Variants in MCF2 observed in about 807,000 individuals in gnomAD.
The protein encoded by MCF2 is MCF.2 cell line derived transforming sequence, also known as proto-oncogene DBL.
In MCF2, 44 loss-of-function variants were observed where a neutral mutation model predicts 82.5. The observed-to-expected ratio is 0.53, with a 90% confidence interval of 0.42 to 0.69. The LOEUF is 0.69. Ranked by LOEUF, MCF2 falls within the 30% of genes least tolerant of loss-of-function variation. The probability of loss-of-function intolerance (pLI) is 0.00; values close to 1 mark genes in which losing one functional copy is unlikely to be tolerated. For synonymous variants in MCF2, 217 were observed against 224.9 expected (o/e 0.96, Z 0.32); for missense variants, 623 against 663.1 (o/e 0.94, Z 0.66).
intron 1 of MCF2, among the ~76,000 whole-genome samples, chrX:139,704,459 T>C (rs1280532906): frequency 8.9e-6 from 1 of 111,807 alleles, no homozygotes; most frequent in Non-Finnish European, 1.9e-5. Flanking sequence ...TGTACAAAAA[T>C]CAGTACCATT....
At chrX:139,617,752 T>C (rs769232074) in intron 7 of MCF2, 48 bp from the exon 11 acceptor site, 10 of 784,186 alleles carry the variant, frequency 1.3e-5, no homozygotes, top group Non-Finnish European at 1.7e-5. Flanking sequence ...TCTCTGTTCC[T>C]ATAGAGAAAA....
chrX:139,691,824 G>T (rs1362263711), intron 1 of MCF2: 2 of 773,563 alleles, frequency 2.6e-6, no homozygotes, highest in African/African-American at 4.2e-5. Context: ...GGAAAATAAA[G>T]AAAAGCCGGC....
At chrX:139,619,008 T>G (rs1319770899) in intron 7 of MCF2, among the ~76,000 whole-genome samples, 2 of 111,540 alleles carry the variant, frequency 1.8e-5, no homozygotes, top group Non-Finnish European at 3.8e-5. Flanking sequence ...AGGTCACAGA[T>G]AGTAAGAATA....
intron 10 of MCF2, among the ~76,000 whole-genome samples, chrX:139,613,514 G>T (rs765183600): frequency 1.5e-4 from 17 of 111,279 alleles, no homozygotes; most frequent in Non-Finnish European, 3.0e-4. Context: ...TTTTTTTATA[G>T]TCTTCAATTT....
At chrX:139,698,142 C>A (rs944742871) in intron 1 of MCF2, among the ~76,000 whole-genome samples, 23 of 111,083 alleles carry the variant, frequency 2.1e-4, no homozygotes, top group African/African-American at 7.5e-4. Flanking sequence ...AAAGTGAGAC[C>A]CTGTCTCAAA....
chrX:139,664,323 A>AAC (rs1386319251), intron 1 of MCF2, among the ~76,000 whole-genome samples: 2 of 111,371 alleles, frequency 1.8e-5, no homozygotes, highest in African/African-American at 6.6e-5. Context: ...CAAAAAACAA[A>AAC]AAAAAAAAAC....
At chrX:139,617,261 G>C (rs1441778999) in intron 8 of MCF2, among the ~76,000 whole-genome samples, 2 of 111,397 alleles carry the variant, frequency 1.8e-5, no homozygotes, top group African/African-American at 6.5e-5. Context: ...TTAGAACAAA[G>C]GGTAAAATTT....
At chrX:139,615,229 C>A (rs747213615) in intron 9 of MCF2, among the ~76,000 whole-genome samples, 177 bp from the exon 13 acceptor site, 7 of 111,042 alleles carry the variant, frequency 6.3e-5, no homozygotes, top group Non-Finnish European at 1.1e-4. Context: ...GGATATAAAA[C>A]CAAAATCTCA....
chrX:139,597,013 A>G (rs1181751072), intron 18 of MCF2, among the ~76,000 whole-genome samples: 1 of 111,441 alleles, frequency 9.0e-6, no homozygotes, highest in Non-Finnish European at 1.9e-5. Flanking sequence ...TATTTCAGCT[A>G]GGGTAAGTCT....
At chrX:139,700,592 A>G (rs1215683979) in intron 1 of MCF2, among the ~76,000 whole-genome samples, 1 of 112,015 alleles carries the variant, frequency 8.9e-6, no homozygotes, top group Non-Finnish European at 1.9e-5. Flanking sequence ...CCAGAGGTCT[A>G]TAGCATTTGG....
chrX:139,613,273 G>A lies in MCF2; in HGVS notation c.1363+1608C>T. ...GAGTATCCAACTCCCACTGCAGAAG[G>A]AAATTGTAACGCCATTAAATAAGAA... On this transcript the variant is annotated intron_variant, in intron 10 of 24. Coordinates refer to ENST00000370576, the Ensembl canonical transcript of MCF2. 8.8e-7 allele frequency: 1 copy of A among 1,131,042 alleles called. No individual in the cohort carries two copies. Among genetic ancestry groups the A allele is most frequent in the Non-Finnish European group, 1.2e-6 (1 of 846,127 alleles). 93.2% of individuals were successfully genotyped at this position (1,131,042 alleles called of 1,213,427 possible). A position where few individuals can be genotyped will look rare whatever the true frequency, so the allele number is the denominator to read the frequency against.
At chrX:139,617,201 A>C (rs1931980494) in intron 8 of MCF2, among the ~76,000 whole-genome samples, 1 of 111,792 alleles carries the variant, frequency 8.9e-6, no homozygotes, top group African/African-American at 3.2e-5. Flanking sequence ...TGAAGGCTTC[A>C]GAGATGTATC....
chrX:139,586,633 T>C, intron 22 of MCF2, 146 bp from the exon 27 acceptor site: 1 of 424,549 alleles, frequency 2.4e-6, no homozygotes, highest in South Asian at 4.3e-5. Context: ...TATTTAAATC[T>C]GTGTGGCAAT....
chrX:139,613,271 A>C lies in MCF2; in HGVS notation c.1363+1610T>G. The C allele has an allele frequency of 8.8e-7, 1 of 1,137,210 alleles. No homozygotes were observed. Among genetic ancestry groups the C allele is most frequent in the Non-Finnish European group, 1.2e-6 (1 of 849,244 alleles). The allele number at this position is 1,137,210 out of a possible 1,213,427, so 93.7% of individuals were successfully genotyped here. ...AAGAGTATCCAACTCCCACTGCAGA[A>C]GGAAATTGTAACGCCATTAAATAAG... On this transcript the variant is annotated intron_variant, in intron 10 of 24. Transcript: ENST00000370576.
At chrX:139,590,805 A>G (rs749849673) in intron 19 of MCF2, among the ~76,000 whole-genome samples, 1 of 110,753 alleles carries the variant, frequency 9.0e-6, no homozygotes, top group African/African-American at 3.3e-5. Context: ...ATTAGAGCTA[A>G]TAAGCATTAA....
chrX:139,590,924 C>T (rs945999914), intron 19 of MCF2, among the ~76,000 whole-genome samples: 1 of 111,008 alleles, frequency 9.0e-6, no homozygotes, highest in Non-Finnish European at 1.9e-5. Flanking sequence ...CCACCCTGAA[C>T]GTAGTAAGAA....
chrX:139,633,229 C>T (rs974809905), intron 1 of MCF2, among the ~76,000 whole-genome samples: 3 of 111,337 alleles, frequency 2.7e-5, no homozygotes, highest in African/African-American at 9.8e-5. Context: ...CTTGCTGGCA[C>T]ATAGTATGCA....
At position 139,663,156 on chromosome X, in the gene MCF2, ACC is replaced by A. The variant is rs200256075; in HGVS notation, c.-44-11370_-44-11369del. On this transcript the variant is annotated intron_variant, in intron 1 of 27. Coordinates refer to the MCF2 transcript ENST00000414978. ...CTGATTTCTTTTCATTTGGGTAGAT[ACC>A]CAGTAGCAGGATTGCTGGATGAAAT... 3.9e-3 allele frequency among the ~76,000 whole-genome samples: 440 copies of A among 112,423 alleles called. 3 individuals are homozygous for A. Among genetic ancestry groups the A allele is most frequent in the African/African-American group, 0.014 (427 of 31,024 alleles).
chrX:139,657,363 T>C (rs1292322296), intron 1 of MCF2, among the ~76,000 whole-genome samples: 1 of 112,367 alleles, frequency 8.9e-6, no homozygotes, highest in Non-Finnish European at 1.9e-5. Flanking sequence ...TGGAAATAAA[T>C]AATTGATTTA....
Sources: allele counts gnomAD v4.1 joint callset (sites outside exome capture counted in the v4.1 genomes callset), GRCh38; gene constraint gnomAD v4.1.1; transcripts MANE v1.5; gene names NCBI Gene and HGNC (gene_info 2026-07-23, HGNC 2026-07-21).